PTPRO: variants seen among roughly 807,000 people sequenced by gnomAD.
PTPRO encodes the protein receptor-type tyrosine-protein phosphatase O.
In PTPRO, 62 loss-of-function variants were observed where a neutral mutation model predicts 145.2. The observed-to-expected ratio is 0.43, with a 90% CI of 0.35 to 0.53. PTPRO has a LOEUF of 0.53. Among genes scored for constraint, PTPRO ranks in the 20% least tolerant of loss-of-function variants. PTPRO has a pLI of 0.01. For missense variants in PTPRO, 1,345 were observed against 1,482.7 expected (o/e 0.91, Z 1.53); for synonymous variants, 565 against 514.7 (o/e 1.10, Z -1.32).
At chr12:15,415,331 T>G (rs1271276895) in intron 1 of PTPRO, among the ~76,000 whole-genome samples, 3 of 152,092 alleles carry the variant, frequency 2.0e-5, no homozygotes, top group Non-Finnish European at 4.4e-5. Context: ...CTATTTCAAA[T>G]TGTTCCTCTC....
At chr12:15,355,044 G>T (rs533110499) in intron 1 of PTPRO, among the ~76,000 whole-genome samples, 4 of 152,058 alleles carry the variant, frequency 2.6e-5, no homozygotes, top group Non-Finnish European at 4.4e-5. Flanking sequence ...AGTAGTAAAG[G>T]AATTTGGGAG....
chr12:15,521,125 A>T lies in PTPRO; in HGVS notation c.1891+813A>T, dbSNP rs559812202. ...TATCGAACGACAAGGTTGTAATTAG[A>T]GTTGTCCTGAGAAAACAGAGGAGAA... is the stretch of plus-strand genomic sequence containing the variant. On this transcript the variant is annotated intron_variant, in intron 10 of 26. Coordinates refer to ENST00000281171, the MANE Select transcript of PTPRO (RefSeq NM_030667.3). Among the ~76,000 whole-genome samples, 4 of 152,274 alleles carry T rather than the reference A, an allele frequency of 2.6e-5. No individual in the cohort carries two copies. The South Asian group carries it at 8.3e-4, about 32-fold the overall frequency.
At position 15,578,834 on chromosome 12, in the gene PTPRO, C is replaced by T. The variant is rs963464374; in HGVS notation, c.2830-19C>T. On this transcript the variant is annotated intron_variant, in intron 19 of 26. Coordinates refer to ENST00000281171, the MANE Select transcript of PTPRO (RefSeq NM_030667.3). ...ACACCACGTATGGAACTCTCAAATC[C>T]ATTCTCTGTCCTTTACAGGAGTTGA... 1 of 1,536,850 alleles carries T rather than the reference C, an allele frequency of 6.5e-7. No homozygotes were observed. Among genetic ancestry groups the T allele is most frequent in the Non-Finnish European group, 9.0e-7 (1 of 1,109,672 alleles).
At chr12:15,423,796 G>A (rs931880821) in intron 1 of PTPRO, among the ~76,000 whole-genome samples, 1 of 152,252 alleles carries the variant, frequency 6.6e-6, no homozygotes, top group Middle Eastern at 3.4e-3. Flanking sequence ...GCTTTTGCCT[G>A]TCAATATCCT....
At chr12:15,525,938 G>A (rs1942828114) in intron 11 of PTPRO, among the ~76,000 whole-genome samples, 1 of 152,150 alleles carries the variant, frequency 6.6e-6, no homozygotes, top group African/African-American at 2.4e-5. Flanking sequence ...TGTATATAAT[G>A]CATTATTAAG....
At chr12:15,428,723 G>C (rs1490271585) in intron 1 of PTPRO, among the ~76,000 whole-genome samples, 1 of 152,084 alleles carries the variant, frequency 6.6e-6, no homozygotes, top group Admixed American at 6.6e-5. Context: ...ATCCAAGCCT[G>C]GAATGGTGCT....
At chr12:15,560,156 T>G (rs770173574) in intron 16 of PTPRO, 37 bp from the exon 17 acceptor site, 1 of 1,477,774 alleles carries the variant, frequency 6.8e-7, no homozygotes. Context: ...CTTGCAACTT[T>G]TTCATCTTTC....
intron 1 of PTPRO, among the ~76,000 whole-genome samples, chr12:15,332,489 C>A (rs1866641334): frequency 6.6e-6 from 1 of 152,142 alleles, no homozygotes; most frequent in Non-Finnish European, 1.5e-5. Context: ...AGTAATTGTA[C>A]ATGTAAAATG....
Position 15,537,002 on chromosome 12 carries a change from G to A in PTPRO, c.2165-9567G>A, listed in dbSNP as rs75567599. On this transcript the variant is annotated intron_variant, in intron 12 of 26. Coordinates refer to ENST00000281171, the MANE Select transcript of PTPRO (RefSeq NM_030667.3). ...AGAAAATCTGCTGATGGACTTAGAT[G>A]TTGTCTATGAATGAGTAAAAGCAGC... Among the ~76,000 whole-genome samples the A allele has an allele frequency of 1.5e-3, 224 of 152,286 alleles. 2 individuals are homozygous for A. The East Asian group carries it at 0.041, about 28-fold the overall frequency.
In PTPRO at chr12:15,512,158, A is replaced by C. The variant is rs113377157; in HGVS notation, c.1465-3340A>C. Among the ~76,000 whole-genome samples, 566 of 152,054 alleles carry C rather than the reference A, an allele frequency of 3.7e-3. 4 individuals carry two copies. Among genetic ancestry groups the C allele is most frequent in the African/African-American group, 0.012 (515 of 41,488 alleles). On this transcript the variant is annotated intron_variant, in intron 7 of 26. Transcript: ENST00000281171. ...GAGATGGAGTCTTGCTCTGTCACCC[A>C]GGCTGGAGTGCAGTGGCGTAATCTC...
chr12:15,549,199 C>T lies in PTPRO; in HGVS notation c.2410C>T (p.Pro804Ser), dbSNP rs1467017091. Residue 804 changes from proline (P) to serine (S), a missense_variant, in exon 14 of 27, where the codon CCT (proline) becomes TCT (serine). Physicochemically the swap from Pro to Ser is moderately conservative, Grantham distance 74 (BLOSUM62 -1). Transcript: ENST00000281171. ...TSFSHDSPSV[P>S]TFIAVSTMVT... ...CTTTAGCCATGACAGCCCCAGTGTC[C>T]CTACGTTCATAGCCGTCTCAACAAT... The T allele has an allele frequency of 6.2e-7, 1 of 1,612,214 alleles. No homozygotes were observed. Among genetic ancestry groups the T allele is most frequent in the Non-Finnish European group, 8.5e-7 (1 of 1,179,200 alleles).
Position 15,557,488 on chromosome 12 carries a change from A to C in PTPRO, c.2592A>C (p.Ala864=), listed in dbSNP as rs763670807. The change falls in exon 16 of 27, where the codon GCA becomes GCC. Residue 864 remains alanine, a synonymous_variant. Transcript: ENST00000281171. ...ECGAGTFVNF[A]SLERDGKLPY... ...GAGCTGGTACATTTGTCAATTTTGC[A>C]TCCTTAGAGAGGGATGGAAAGCTTC... 6.2e-7 allele frequency: 1 copy of C among 1,613,958 alleles called. No individual in the cohort carries two copies. Among genetic ancestry groups the C allele is most frequent in the South Asian group, 1.1e-5 (1 of 91,086 alleles).
At chr12:15,356,369 C>T (rs1008303470) in intron 1 of PTPRO, among the ~76,000 whole-genome samples, 1 of 152,142 alleles carries the variant, frequency 6.6e-6, no homozygotes, top group Non-Finnish European at 1.5e-5. Context: ...AAAGAAGTCA[C>T]TCCCAATTCT....
At chr12:15,388,691 A>G (rs1406802892) in intron 1 of PTPRO, among the ~76,000 whole-genome samples, 1 of 152,198 alleles carries the variant, frequency 6.6e-6, no homozygotes, top group Non-Finnish European at 1.5e-5. Context: ...TGACAATTTC[A>G]GTGTGTTATT....
chr12:15,549,162 T>C lies in PTPRO; in HGVS notation c.2373T>C (p.Cys791=), dbSNP rs1943383986. 1 of 1,611,950 alleles carries C rather than the reference T, an allele frequency of 6.2e-7. No individual in the cohort carries two copies. Among genetic ancestry groups the C allele is most frequent in the Non-Finnish European group, 8.5e-7 (1 of 1,179,408 alleles). Residue 791 remains cysteine (C), a synonymous_variant, in exon 14 of 27, where the codon TGT becomes TGC. Coordinates refer to ENST00000281171, the MANE Select transcript of PTPRO (RefSeq NM_030667.3). The part of the protein sequence containing the change: ...SSLLPATAYN[C]SVTSFSHDSP... ...TTCTTCCTGCCACTGCCTACAATTG[T>C]AGTGTCACCAGCTTTAGCCATGACA... is the stretch of plus-strand genomic sequence containing the variant.
intron 1 of PTPRO, among the ~76,000 whole-genome samples, chr12:15,387,011 A>G (rs1396356433): frequency 2.6e-5 from 4 of 152,214 alleles, no homozygotes; most frequent in Non-Finnish European, 5.9e-5. Context: ...AGACTGGCTT[A>G]AGTATCTGTC....
intron 12 of PTPRO, among the ~76,000 whole-genome samples, chr12:15,537,215 G>T (rs999112209): frequency 6.6e-6 from 1 of 152,142 alleles, no homozygotes; most frequent in Non-Finnish European, 1.5e-5. Flanking sequence ...AGATAAAGGA[G>T]CTTGGATTCA....
At position 15,501,655 on chromosome 12, in the gene PTPRO, G is replaced by A. The variant is rs752358724; in HGVS notation, c.697G>A (p.Val233Ile). 20 of 1,613,714 alleles carry A rather than the reference G, an allele frequency of 1.2e-5. No individual in the cohort carries two copies. The highest frequency in any genetic ancestry group is 8.0e-5 in the African/African-American group (6 of 74,872). ...ACCTCAAAATATTTCCGTTCGTATC[G>A]TAAACTTGAACAAAAACAACTGGGA... Reference protein sequence around the residue: ...YPPQNISVRIVNLNKNNWEEQ... With the variant: ...YPPQNISVRIINLNKNNWEEQ... Residue 233 changes from valine to isoleucine, a missense_variant, in exon 5 of 27, where the codon GTA becomes ATA. Around this residue, in one of 3 missense-constraint regions of PTPRO, gnomAD observed 1,130 missense variants for 1,214.7 expected, o/e 0.93. Transcript: ENST00000281171.
At chr12:15,470,618 G>C (rs1941517124) in intron 1 of PTPRO, among the ~76,000 whole-genome samples, 1 of 152,142 alleles carries the variant, frequency 6.6e-6, no homozygotes. Context: ...CATTTTAGAA[G>C]TCAGGAAATA....
Sources: gnomAD v4.1 joint callset for allele counts (sites outside exome capture counted in the v4.1 genomes callset) on GRCh38, gnomAD v4.1.1 for gene constraint, gnomAD v4.1.1 regional missense constraint, MANE v1.5 for transcripts, NCBI Gene and HGNC (gene_info 2026-07-23, HGNC 2026-07-21) for gene names.